Variants in WDR47 observed in about 807,000 individuals in gnomAD.
WDR47 encodes the protein WD repeat-containing protein 47.
WDR47 carries 32 observed loss-of-function variants against 97.2 expected under a neutral mutation model. That is an observed-to-expected ratio of 0.33 (90% CI 0.25 to 0.44). The LOEUF is 0.44. Among genes scored for constraint, WDR47 ranks in the 20% least tolerant of loss-of-function variants. The pLI is 1.00. For synonymous variants in WDR47, 375 were observed against 373.5 expected, an observed-to-expected ratio of 1.00 and a Z score of -0.05; for missense variants, 782 against 1,102.3, an observed-to-expected ratio of 0.71 and a Z score of 4.11.
At chr1:109,034,693 T>C (rs1662814600) in intron 1 of WDR47, among the ~76,000 whole-genome samples, 1 of 152,216 alleles carries the variant, frequency 6.6e-6, no homozygotes, top group Non-Finnish European at 1.5e-5. Flanking sequence ...CCTGTTGATC[T>C]GAGGTAGAAT....
Position 109,017,594 on chromosome 1 carries a change from T to C in WDR47, c.166A>G (p.Ile56Val). The C allele has an allele frequency of 6.2e-7, 1 of 1,607,532 alleles. No homozygotes were observed. The highest frequency in any genetic ancestry group is 8.5e-7 in the Non-Finnish European group (1 of 1,178,592). ...ACTTCATCCCATTGACCATCAAGTA[T>C]TAGCTGCCTAAATAAAAAATTTAAA... ...SDDMLFLRQLILDGQWDEVLQ... is the reference protein window; with the variant it reads ...SDDMLFLRQLVLDGQWDEVLQ... Residue 56 changes from isoleucine (I) to valine (V), a missense_variant, in exon 3 of 15, where the codon ATA (isoleucine) becomes GTA (valine). This residue lies in a region of WDR47 where 428 missense variants were observed against 584.3 expected (regional missense o/e 0.73). Coordinates refer to ENST00000369962, the MANE Select transcript of WDR47 (RefSeq NM_001142551.2).
At chr1:109,037,722 G>C (rs1253408998) in intron 1 of WDR47, among the ~76,000 whole-genome samples, 1 of 150,720 alleles carries the variant, frequency 6.6e-6, no homozygotes, top group Non-Finnish European at 1.5e-5. Flanking sequence ...AACAACAAGA[G>C]TCACAAAACA....
At chr1:109,035,520 C>T (rs925025314) in intron 1 of WDR47, among the ~76,000 whole-genome samples, 10 of 143,490 alleles carry the variant, frequency 7.0e-5, no homozygotes, top group Non-Finnish European at 1.1e-4. Context: ...TTTTTTGAGA[C>T]GGAGTCTTAC....
At chr1:109,004,109 A>G (rs1215529454) in intron 6 of WDR47, among the ~76,000 whole-genome samples, 2 of 151,954 alleles carry the variant, frequency 1.3e-5, no homozygotes, top group African/African-American at 4.8e-5. Context: ...CTAAAAATAC[A>G]AAAAAATCAG....
chr1:109,030,187 A>G, intron 1 of WDR47: 1 of 1,501,912 alleles, frequency 6.7e-7, no homozygotes, highest in Admixed American at 1.8e-5. Flanking sequence ...CCAGGATAAT[A>G]TAAATCACCA....
chr1:109,010,690 C>T (rs1239166319), intron 5 of WDR47, among the ~76,000 whole-genome samples: 1 of 149,036 alleles, frequency 6.7e-6, no homozygotes, highest in Non-Finnish European at 1.5e-5. Flanking sequence ...TCACGCCATT[C>T]TCCTGCCTCA....
intron 8 of WDR47, among the ~76,000 whole-genome samples, chr1:108,994,117 G>C (rs1423144685): frequency 6.6e-6 from 1 of 152,188 alleles, no homozygotes; most frequent in African/African-American, 2.4e-5. Flanking sequence ...AGTAATAGAG[G>C]CCGGGTGCGG....
At chr1:109,023,550 C>T in intron 1 of WDR47, 29 bp from the exon 2 acceptor site, 1 of 1,592,528 alleles carries the variant, frequency 6.3e-7, no homozygotes, top group Non-Finnish European at 8.6e-7. Flanking sequence ...AACAATAAAG[C>T]TAGTCCTATT....
intron 13 of WDR47, among the ~76,000 whole-genome samples, chr1:108,976,351 TTATCAAAAC>T (rs976901525): frequency 6.8e-6 from 1 of 146,226 alleles, no homozygotes; most frequent in Non-Finnish European, 1.5e-5. Context: ...AAGAGAACCA[TTATCAAAAC>T]TAGGGAAGAG....
At chr1:108,993,917 T>C (rs914411784) in intron 8 of WDR47, among the ~76,000 whole-genome samples, 2 of 152,156 alleles carry the variant, frequency 1.3e-5, no homozygotes, top group African/African-American at 4.8e-5. Flanking sequence ...AAAAGAAATA[T>C]AATCATATGG....
intron 1 of WDR47, among the ~76,000 whole-genome samples, chr1:109,035,156 G>A (rs545498465): frequency 2.0e-5 from 3 of 148,648 alleles, no homozygotes; most frequent in African/African-American, 7.4e-5. Context: ...TGAGGTGGGA[G>A]AATTGTTTGA....
chr1:109,017,193 A>G (rs1661480140), intron 3 of WDR47, among the ~76,000 whole-genome samples: 1 of 152,164 alleles, frequency 6.6e-6, no homozygotes, highest in Non-Finnish European at 1.5e-5. Flanking sequence ...AATAATCCAA[A>G]TGAACACAAG....
chr1:109,039,254 C>CTT (rs751521674), intron 1 of WDR47, among the ~76,000 whole-genome samples: 1 of 146,140 alleles, frequency 6.8e-6, no homozygotes. Context: ...GGTATAAATC[C>CTT]TTTTTTTTTT....
chr1:108,992,136 G>A (rs1571168963), intron 8 of WDR47: 1 of 602,182 alleles, frequency 1.7e-6, no homozygotes, highest in African/African-American at 1.9e-5. Context: ...AGATATAAGA[G>A]GAAATAACAG....
At position 108,974,753 on chromosome 1, in the gene WDR47, G is replaced by A. The variant is rs189774030; in HGVS notation, c.2400C>T (p.Gly800=). 6.2e-7 allele frequency: 1 copy of A among 1,604,214 alleles called. No homozygotes were observed. The highest frequency in any genetic ancestry group is 1.3e-5 in the African/African-American group (1 of 74,826). The change falls in exon 14 of 15, where the codon GGC becomes GGT. Residue 800 remains glycine, a splice_region_variant and synonymous_variant. Coordinates refer to ENST00000369962, the MANE Select transcript of WDR47 (RefSeq NM_001142551.2). ...RVVGTTFHGT[G]SAVASVAVDP... ...CTACAGCTACAGATGCCACTGCACT[G>A]CCTGTAGTGGTAGGAATGAAAGTTT... is the stretch of plus-strand genomic sequence containing the variant.
intron 13 of WDR47, among the ~76,000 whole-genome samples, chr1:108,976,806 T>C (rs572067007): frequency 6.6e-6 from 1 of 152,250 alleles, no homozygotes; most frequent in South Asian, 2.1e-4. Context: ...GGAAACAGCA[T>C]ATGGCTTTAC....
chr1:109,032,619 C>T (rs1040893498), intron 1 of WDR47, among the ~76,000 whole-genome samples: 1 of 151,944 alleles, frequency 6.6e-6, no homozygotes. Flanking sequence ...AAATGTAGAC[C>T]AGGCATGGTG....
At chr1:108,978,868 A>T (rs1230712538) in intron 13 of WDR47, among the ~76,000 whole-genome samples, 1 of 152,218 alleles carries the variant, frequency 6.6e-6, no homozygotes, top group Non-Finnish European at 1.5e-5. Flanking sequence ...TAATGGTTGC[A>T]GCAGGAACCA....
chr1:109,009,728 T>C (rs572104184), intron 5 of WDR47, among the ~76,000 whole-genome samples: 59 of 152,310 alleles, frequency 3.9e-4, no homozygotes, highest in Non-Finnish European at 7.9e-4. Context: ...CCAGGCGCAA[T>C]GGCTCACACC....
Sources: allele counts gnomAD v4.1 joint callset (sites outside exome capture counted in the v4.1 genomes callset), GRCh38; gene constraint gnomAD v4.1.1; regional missense constraint gnomAD v4.1.1; transcripts MANE v1.5; gene names NCBI Gene and HGNC (gene_info 2026-07-23, HGNC 2026-07-21).